The following PACSIN2 variants were observed in gnomAD, a reference collection of about 807,000 sequenced individuals.
PACSIN2 encodes protein kinase C and casein kinase substrate in neurons protein 2.
A neutral mutation model predicts 63.8 loss-of-function variants in PACSIN2; 25 were observed. The observed-to-expected ratio is 0.39, with a 90% CI of 0.29 to 0.55. PACSIN2 has a LOEUF of 0.55. Among genes scored for constraint, PACSIN2 ranks in the 20% least tolerant of loss-of-function variants. The pLI is 0.62. For synonymous variants in PACSIN2, 255 were observed against 256.2 expected (o/e 1.00, Z 0.05); for missense variants, 518 against 646.9 (o/e 0.80, Z 2.16).
intron 1 of PACSIN2, among the ~76,000 whole-genome samples, chr22:42,981,792 G>A (rs199789311): frequency 0.16 from 17,220 of 110,366 alleles, 1,543 homozygotes; most frequent in East Asian, 0.61. Context: ...TCAGCCCCCC[G>A]CCCGGCCAGC....
At chr22:42,935,353 A>G (rs1314696041) in intron 1 of PACSIN2, among the ~76,000 whole-genome samples, 1 of 151,236 alleles carries the variant, frequency 6.6e-6, no homozygotes, top group Non-Finnish European at 1.5e-5. Flanking sequence ...TCCTTTTCCC[A>G]TGGGGCGGGG....
intron 1 of PACSIN2, among the ~76,000 whole-genome samples, chr22:42,932,604 G>A (rs772042938): frequency 6.6e-6 from 1 of 152,100 alleles, no homozygotes; most frequent in Non-Finnish European, 1.5e-5. Flanking sequence ...TGTACTATTG[G>A]TATCAATTTT....
intron 1 of PACSIN2, among the ~76,000 whole-genome samples, chr22:42,951,594 C>T (rs1933695440): frequency 6.6e-6 from 1 of 152,218 alleles, no homozygotes; most frequent in South Asian, 2.1e-4. Flanking sequence ...CAGGACACAG[C>T]TGCTCAGGAC....
chr22:42,905,439 CTG>C (rs1489849757), intron 2 of PACSIN2, among the ~76,000 whole-genome samples: 1 of 152,248 alleles, frequency 6.6e-6, no homozygotes, highest in Non-Finnish European at 1.5e-5. Flanking sequence ...AAAATAAACT[CTG>C]GGTGTCAACA....
intron 8 of PACSIN2, 27 bp downstream of exon 8, chr22:42,879,020 CT>C: frequency 1.2e-6 from 2 of 1,606,542 alleles, no homozygotes; most frequent in South Asian, 1.1e-5. Flanking sequence ...GGAACGGCCT[CT>C]TTTGGATGGA....
intron 1 of PACSIN2, among the ~76,000 whole-genome samples, chr22:43,007,563 A>G (rs1167384667): frequency 6.6e-6 from 1 of 151,870 alleles, no homozygotes; most frequent in African/African-American, 2.4e-5. Flanking sequence ...ATGGTCCTTC[A>G]CGTCAGCCCC....
intron 1 of PACSIN2, among the ~76,000 whole-genome samples, chr22:43,000,719 GAAGAA>G (rs931209275): frequency 1.3e-5 from 2 of 152,032 alleles, no homozygotes; most frequent in African/African-American, 4.8e-5. Context: ...GCAAGACTAA[GAAGAA>G]AAGAAATAAA....
chr22:42,927,256 T>TG (rs1251422977), intron 1 of PACSIN2, among the ~76,000 whole-genome samples: 1 of 152,058 alleles, frequency 6.6e-6, no homozygotes, highest in African/African-American at 2.4e-5. Flanking sequence ...GTTACTTTTT[T>TG]TTTTTTTGAG....
At chr22:42,934,089 CAA>C (rs1473656935) in intron 1 of PACSIN2, among the ~76,000 whole-genome samples, 3 of 152,132 alleles carry the variant, frequency 2.0e-5, no homozygotes, top group Non-Finnish European at 4.4e-5. Context: ...AAATGTGAGA[CAA>C]AGAGAGTAAA....
intron 1 of PACSIN2, among the ~76,000 whole-genome samples, chr22:42,955,311 A>C (rs1424134931): frequency 6.6e-6 from 1 of 152,132 alleles, no homozygotes; most frequent in Non-Finnish European, 1.5e-5. Flanking sequence ...AAACAAACGA[A>C]CGAACGAACG....
intron 1 of PACSIN2, among the ~76,000 whole-genome samples, chr22:42,993,212 A>G (rs1459438448): frequency 1.3e-5 from 2 of 152,096 alleles, no homozygotes; most frequent in East Asian, 1.9e-4. Context: ...TAGAATACAT[A>G]CTGTATGATT....
chr22:43,003,481 T>C (rs1010301375), intron 1 of PACSIN2, among the ~76,000 whole-genome samples: 3 of 152,190 alleles, frequency 2.0e-5, no homozygotes, highest in African/African-American at 7.2e-5. Flanking sequence ...CGGGCACCTG[T>C]AGTCCCAGCT....
At chr22:43,011,455 G>A (rs1924482823) in intron 1 of PACSIN2, among the ~76,000 whole-genome samples, 1 of 152,166 alleles carries the variant, frequency 6.6e-6, no homozygotes, top group South Asian at 2.1e-4. Context: ...ATGCCACTGC[G>A]AACTCTAAAC....
Position 42,911,989 on chromosome 22 carries a change from C to T in PACSIN2, c.60+32G>A, listed in dbSNP as rs373135430. 49 of 1,557,814 alleles carry T rather than the reference C, an allele frequency of 3.1e-5. No individual in the cohort carries two copies. In the African/African-American group the frequency reaches 6.2e-4, roughly 20 times the overall value. On this transcript the variant is annotated intron_variant, in intron 2 of 10. Transcript: ENST00000263246. ...CTGCCAGACACTATTGGCCTGGCCA[C>T]TTCATTCACTGGAAGAAAGCAGGTG...
chr22:43,004,762 A>G (rs569521430), intron 1 of PACSIN2, among the ~76,000 whole-genome samples: 1 of 152,364 alleles, frequency 6.6e-6, no homozygotes, highest in East Asian at 1.9e-4. Flanking sequence ...GATCCTATCT[A>G]AAGACCACCC....
At chr22:42,976,788 C>A (rs1398953539) in intron 1 of PACSIN2, among the ~76,000 whole-genome samples, 1 of 152,152 alleles carries the variant, frequency 6.6e-6, no homozygotes, top group African/African-American at 2.4e-5. Context: ...CCCTATACAG[C>A]AGTATTGTAA....
At chr22:42,953,904 A>G (rs144818225) in intron 1 of PACSIN2, among the ~76,000 whole-genome samples, 2 of 152,252 alleles carry the variant, frequency 1.3e-5, no homozygotes, top group African/African-American at 4.8e-5. Context: ...AAGCCAGGGA[A>G]GAGAGGAATG....
intron 2 of PACSIN2, among the ~76,000 whole-genome samples, chr22:42,895,876 G>C (rs1264639704): frequency 6.6e-6 from 1 of 152,228 alleles, no homozygotes; most frequent in African/African-American, 2.4e-5. Flanking sequence ...TAATGAAACG[G>C]TTGTGTGGTG....
chr22:42,996,915 C>G (rs1342561127), intron 1 of PACSIN2, among the ~76,000 whole-genome samples: 1 of 152,128 alleles, frequency 6.6e-6, no homozygotes, highest in Non-Finnish European at 1.5e-5. Context: ...AGTGTAATCA[C>G]GCAAGGAAAA....
Sources: gnomAD v4.1 joint callset for allele counts (sites outside exome capture counted in the v4.1 genomes callset) on GRCh38, gnomAD v4.1.1 for gene constraint, MANE v1.5 for transcripts, NCBI Gene and HGNC (gene_info 2026-07-23, HGNC 2026-07-21) for gene names.